RBFOX1: variants seen among roughly 807,000 people sequenced by gnomAD.
RBFOX1 encodes the protein RNA binding protein fox-1 homolog 1.
RBFOX1 carries 8 observed loss-of-function variants against 57.7 expected under a neutral mutation model. The observed-to-expected ratio is 0.14, with a 90% CI of 0.08 to 0.25. The LOEUF (loss-of-function observed/expected upper bound fraction) is 0.25. RBFOX1 is among the 10% of genes least tolerant of loss of function. RBFOX1 has a pLI of 1.00. For synonymous variants in RBFOX1, 326 were observed against 222.4 expected (o/e 1.47, Z -4.15); for missense variants, 611 against 548.5 (o/e 1.11, Z -1.14).
At chr16:6,732,582 A>G (rs2068944779) in intron 3 of RBFOX1, among the ~76,000 whole-genome samples, 1 of 152,238 alleles carries the variant, frequency 6.6e-6, no homozygotes, top group South Asian at 2.1e-4. Flanking sequence ...CACCACGATT[A>G]ATGCACGTAG....
chr16:6,690,073 C>G (rs1221354250), intron 3 of RBFOX1, among the ~76,000 whole-genome samples: 1 of 151,992 alleles, frequency 6.6e-6, no homozygotes, highest in Non-Finnish European at 1.5e-5. Context: ...TTTATTTTTG[C>G]TTTTTTTCCT....
intron 4 of RBFOX1, among the ~76,000 whole-genome samples, chr16:7,289,619 T>G (rs2095721697): frequency 6.6e-6 from 1 of 152,102 alleles, no homozygotes; most frequent in Non-Finnish European, 1.5e-5. Context: ...GTCATCACCA[T>G]CATCATCACC....
chr16:7,673,080 T>C (rs1047162950), intron 13 of RBFOX1, among the ~76,000 whole-genome samples: 2 of 152,070 alleles, frequency 1.3e-5, no homozygotes, highest in Admixed American at 6.6e-5. Flanking sequence ...TACTTTCCTA[T>C]GCACTCCAGC....
chr16:7,589,097 T>G (rs2094297101), intron 7 of RBFOX1, among the ~76,000 whole-genome samples: 1 of 152,142 alleles, frequency 6.6e-6, no homozygotes, highest in Non-Finnish European at 1.5e-5. Flanking sequence ...GCAAAGTGCA[T>G]TGAGAGAAAA....
chr16:6,027,069 T>C (rs1461920611), intron 1 of RBFOX1, among the ~76,000 whole-genome samples: 1 of 152,220 alleles, frequency 6.6e-6, no homozygotes, highest in African/African-American at 2.4e-5. Context: ...TTCCCCAAGA[T>C]GTTGATGTCT....
intron 4 of RBFOX1, among the ~76,000 whole-genome samples, chr16:7,221,253 A>G (rs1437164417): frequency 6.6e-6 from 1 of 152,238 alleles, no homozygotes; most frequent in African/African-American, 2.4e-5. Flanking sequence ...TAAGGGCTTC[A>G]TAGCCACAAG....
At chr16:7,006,346 G>T (rs867113782) in intron 3 of RBFOX1, among the ~76,000 whole-genome samples, 1 of 151,996 alleles carries the variant, frequency 6.6e-6, no homozygotes, top group Non-Finnish European at 1.5e-5. Context: ...GTAGGGACGG[G>T]GTTTTATCAT....
At chr16:7,204,118 C>A (rs552304159) in intron 4 of RBFOX1, among the ~76,000 whole-genome samples, 1 of 152,208 alleles carries the variant, frequency 6.6e-6, no homozygotes, top group African/African-American at 2.4e-5. Context: ...GGGAAATCCA[C>A]GGCACCCACA....
chr16:5,708,639 C>T (rs970950503), intron 3 of RBFOX1, among the ~76,000 whole-genome samples: 2 of 152,232 alleles, frequency 1.3e-5, no homozygotes, highest in Non-Finnish European at 2.9e-5. Flanking sequence ...AGATTCTCCC[C>T]CTAATATACA....
intron 1 of RBFOX1, among the ~76,000 whole-genome samples, chr16:6,149,913 C>T (rs1217964034): frequency 6.6e-6 from 1 of 152,178 alleles, no homozygotes; most frequent in Non-Finnish European, 1.5e-5. Flanking sequence ...GTGCACTGAA[C>T]AAAAGGCTTA....
At chr16:5,686,086 C>T (rs940109216) in intron 3 of RBFOX1, among the ~76,000 whole-genome samples, 5 of 152,094 alleles carry the variant, frequency 3.3e-5, no homozygotes, top group African/African-American at 9.7e-5. Flanking sequence ...GGCTCAGAAA[C>T]GATATTGAGT....
Position 6,562,875 on chromosome 16 carries a change from TCTTTC to T in RBFOX1, c.-63-91727_-63-91723del, listed in dbSNP as rs1441631393. ...TTCTTTCTTTCTTTCTTTCTTTCTTTCTTTCTTTTTTTTTTTTTTTTTTGCATAGT... is the reference window on the plus strand; with the variant it reads ...TTCTTTCTTTCTTTCTTTCTTTCTTTTTTTTTTTTTTTTTTTTTGCATAGT... On this transcript the variant is annotated intron_variant, in intron 2 of 15. Transcript: ENST00000550418. 7.6e-3 allele frequency among the ~76,000 whole-genome samples: 514 copies of T among 67,256 alleles called. 30 individuals are homozygous for T. Among genetic ancestry groups the T allele is most frequent in the African/African-American group, 0.021 (245 of 11,666 alleles). 44.1% of individuals were successfully genotyped at this position (67,256 alleles called of 152,430 possible).
intron 3 of RBFOX1, among the ~76,000 whole-genome samples, chr16:5,708,155 G>A (rs1432611745): frequency 6.6e-6 from 1 of 152,140 alleles, no homozygotes; most frequent in Admixed American, 6.5e-5. Context: ...ACTGGAACTG[G>A]ATGAATACAG....
At chr16:7,291,134 G>A (rs1290184343) in intron 4 of RBFOX1, among the ~76,000 whole-genome samples, 1 of 152,194 alleles carries the variant, frequency 6.6e-6, no homozygotes, top group South Asian at 2.1e-4. Flanking sequence ...AAGGTGACCA[G>A]TATCTGGACA....
intron 3 of RBFOX1, among the ~76,000 whole-genome samples, chr16:6,665,857 T>G (rs879866905): frequency 1.3e-5 from 2 of 151,896 alleles, no homozygotes; most frequent in African/African-American, 2.4e-5. Flanking sequence ...ATGAGAAAAA[T>G]GAGGGAAAGA....
intron 3 of RBFOX1, among the ~76,000 whole-genome samples, chr16:5,847,038 C>T (rs2056774585): frequency 6.6e-6 from 1 of 152,166 alleles, no homozygotes; most frequent in African/African-American, 2.4e-5. Flanking sequence ...AAAGAGCTTC[C>T]AGGAAGGTGT....
intron 4 of RBFOX1, among the ~76,000 whole-genome samples, chr16:7,233,670 G>T (rs1368475307): frequency 6.6e-6 from 1 of 152,140 alleles, no homozygotes; most frequent in Admixed American, 6.5e-5. Flanking sequence ...CAAGAAATGC[G>T]ACCTTAGCAA....
chr16:7,041,066 C>G (rs1014123513), intron 3 of RBFOX1, among the ~76,000 whole-genome samples: 1 of 149,224 alleles, frequency 6.7e-6, no homozygotes, highest in Non-Finnish European at 1.5e-5. Flanking sequence ...CAGGCAAGTG[C>G]CAACACGCCC....
chr16:7,499,979 C>T (rs1249360955), intron 4 of RBFOX1, among the ~76,000 whole-genome samples: 1 of 152,130 alleles, frequency 6.6e-6, no homozygotes, highest in Non-Finnish European at 1.5e-5. Context: ...TCCAAAAACC[C>T]CTGGTTTTCC....
Sources: allele counts gnomAD v4.1 joint callset (sites outside exome capture counted in the v4.1 genomes callset), GRCh38; gene constraint gnomAD v4.1.1; transcripts MANE v1.5; gene names NCBI Gene and HGNC (gene_info 2026-07-23, HGNC 2026-07-21).